PWP1: variants seen among roughly 807,000 people sequenced by gnomAD.
The protein encoded by PWP1 is PWP1 homolog, endonuclein.
Under a neutral mutation model 69.9 loss-of-function variants are expected in PWP1, and 47 were observed. The ratio of observed to expected loss-of-function variants is 0.67; its 90% CI spans 0.53 to 0.86. The LOEUF (loss-of-function observed/expected upper bound fraction) is 0.86, where lower values mean the gene tolerates loss of function less well. Ranked by LOEUF, PWP1 falls within the 40% of genes least tolerant of loss-of-function variation. PWP1 has a pLI of 0.00. For missense variants in PWP1, 551 were observed against 608.8 expected (o/e 0.91, Z 1.00); for synonymous variants, 222 against 208.2 (o/e 1.07, Z -0.57).
chr12:107,687,224 T>G (rs914752528), intron 1 of PWP1, among the ~76,000 whole-genome samples: 15 of 152,242 alleles, frequency 9.9e-5, no homozygotes, highest in Non-Finnish European at 2.1e-4. Context: ...CTGTTTTATT[T>G]ACTGTTTCTC....
chr12:107,694,398 T>C (rs1334519240), intron 5 of PWP1, among the ~76,000 whole-genome samples: 2 of 152,194 alleles, frequency 1.3e-5, no homozygotes, highest in Non-Finnish European at 2.9e-5. Flanking sequence ...CCCTTAGGCT[T>C]AATGTTTATC....
At chr12:107,699,219 A>G (rs114012327) in intron 7 of PWP1, among the ~76,000 whole-genome samples, 154 bp from the exon 8 acceptor site, 3,770 of 152,348 alleles carry the variant, frequency 0.025, 67 homozygotes, top group Non-Finnish European at 0.039. Context: ...AGATCGTGCA[A>G]CTGCACTCTA....
At chr12:107,691,044 A>G (rs1889471023) in intron 3 of PWP1, among the ~76,000 whole-genome samples, 1 of 152,230 alleles carries the variant, frequency 6.6e-6, no homozygotes, top group African/African-American at 2.4e-5. Context: ...GGGATTGACC[A>G]AAGTCAATTA....
chr12:107,686,183 C>T lies in PWP1; in HGVS notation c.72+212C>T, dbSNP rs183123658. ...GAGAGTCAAGGGCCGCGCCTTCTCA[C>T]TGTTCCCACCCTCAAGCCCAACCCC... is the stretch of plus-strand genomic sequence containing the variant. On this transcript the variant is annotated intron_variant, in intron 1 of 14. Transcript: ENST00000412830. 2,626 of 603,342 alleles carry T rather than the reference C, an allele frequency of 4.4e-3. 20 individuals carry two copies. The highest frequency in any genetic ancestry group is 4.7e-3 in the Non-Finnish European group (1,612 of 339,810). 37.4% of individuals were successfully genotyped at this position (603,342 alleles called of 1,614,324 possible).
rs146226600 is a variant in PWP1 at position 107,704,648 on chromosome 12, G to T, written c.978G>T (p.Leu326Phe). The T allele has an allele frequency of 3.0e-5, 48 of 1,613,822 alleles. No homozygotes were observed. Among genetic ancestry groups the T allele is most frequent in the Non-Finnish European group, 3.8e-5 (45 of 1,179,880 alleles). ...ISGSYDKSVA[L>F]YDCRSPDESH... The stretch of plus-strand genomic sequence containing the variant: ...TGAATGTGTCTAGGTCAGTGGCTTT[G>T]TATGACTGCCGAAGTCCAGATGAAA... The change falls in exon 11 of 15, where the codon TTG (leucine) becomes TTT (phenylalanine). Residue 326 changes from leucine (L) to phenylalanine (F), a missense_variant. By Grantham distance (22) the Leu-to-Phe change is conservative. Transcript: ENST00000412830.
At chr12:107,701,969 C>T (rs958701729) in intron 8 of PWP1, among the ~76,000 whole-genome samples, 12 of 152,134 alleles carry the variant, frequency 7.9e-5, no homozygotes, top group South Asian at 2.1e-4. Context: ...TGAGCCACCG[C>T]GCCCAGCCCC....
intron 5 of PWP1, among the ~76,000 whole-genome samples, chr12:107,695,140 C>T (rs1045523412): frequency 1.3e-5 from 2 of 150,248 alleles, no homozygotes; most frequent in African/African-American, 4.9e-5. Context: ...GTGGCGGGCG[C>T]CTGTAGTCCC....
intron 1 of PWP1, among the ~76,000 whole-genome samples, chr12:107,688,098 T>TG (rs1266103035): frequency 1.5e-5 from 2 of 130,740 alleles, no homozygotes; most frequent in African/African-American, 5.9e-5. Flanking sequence ...TGTTAAGGAA[T>TG]GCCCACAGGG....
Position 107,696,601 on chromosome 12 carries a change from A to G in PWP1, c.613+17A>G. 2 of 1,613,188 alleles carry G rather than the reference A, an allele frequency of 1.2e-6. No individual in the cohort carries two copies. Among genetic ancestry groups the G allele is most frequent in the African/African-American group, 2.7e-5 (2 of 75,004 alleles). On this transcript the variant is annotated intron_variant, in intron 6 of 14. Coordinates refer to ENST00000412830, the MANE Select transcript of PWP1 (RefSeq NM_007062.3). ...ATTCTACTGGTAATTAGAAAACTTA[A>G]GGTTGTTCAATGATTTCCAGTCTTA...
At chr12:107,689,129 C>G (rs562841748) in intron 3 of PWP1, among the ~76,000 whole-genome samples, 2 of 152,266 alleles carry the variant, frequency 1.3e-5, no homozygotes, top group Admixed American at 1.3e-4. Context: ...ATACCTTTTC[C>G]TCAACTGCAG....
Position 107,712,396 on chromosome 12 carries a change from T to G in PWP1, c.*176T>G. 1.9e-6 allele frequency: 1 copy of G among 527,366 alleles called. No homozygotes were observed. The highest frequency in any genetic ancestry group is 3.4e-6 in the Non-Finnish European group (1 of 295,876). 32.7% of individuals were successfully genotyped at this position (527,366 alleles called of 1,614,324 possible). A position where few individuals can be genotyped will look rare whatever the true frequency, so the allele number is the denominator to read the frequency against. Reference sequence around the variant, plus strand: ...AATATCCGGTCTTTGTGCTTGCTCTTCAGATGGATGGTTTGTAAGGCTCTT... The same window carrying G: ...AATATCCGGTCTTTGTGCTTGCTCTGCAGATGGATGGTTTGTAAGGCTCTT... On this transcript the variant is annotated 3_prime_UTR_variant, in exon 15 of 15. Transcript: ENST00000412830.
chr12:107,698,112 A>C (rs1278929768), intron 7 of PWP1, among the ~76,000 whole-genome samples: 2 of 152,154 alleles, frequency 1.3e-5, no homozygotes, highest in African/African-American at 4.8e-5. Context: ...CTGTAATCCC[A>C]GCAGTTTAGG....
At position 107,712,243 on chromosome 12, in the gene PWP1, T is replaced by G. The variant is rs868642735; in HGVS notation, c.*23T>G. 6.3e-7 allele frequency: 1 copy of G among 1,576,568 alleles called. No individual in the cohort carries two copies. The highest frequency in any genetic ancestry group is 1.7e-4 in the Middle Eastern group (1 of 5,984). On this transcript the variant is annotated 3_prime_UTR_variant, in exon 15 of 15. Transcript: ENST00000412830. ...TAATGAAGATCATCTAATTTCCTGC[T>G]TACCTTAACTGGGAATTTTAAAAAG...
At chr12:107,693,785 C>A (rs925274358) in intron 5 of PWP1, among the ~76,000 whole-genome samples, 3 of 152,116 alleles carry the variant, frequency 2.0e-5, no homozygotes, top group African/African-American at 4.8e-5. Flanking sequence ...AACTTGCCAC[C>A]TTGGTTTTTT....
At chr12:107,688,921 G>T (rs1182610225) in intron 3 of PWP1, 119 bp downstream of exon 3, 2 of 1,068,944 alleles carry the variant, frequency 1.9e-6, no homozygotes, top group East Asian at 2.6e-5. Context: ...AAGATAATCT[G>T]GTTGAAGACT....
Position 107,712,228 on chromosome 12 carries a change from C to T in PWP1, c.*8C>T. 1 of 1,599,378 alleles carries T rather than the reference C, an allele frequency of 6.3e-7. No individual in the cohort carries two copies. Among genetic ancestry groups the T allele is most frequent in the Non-Finnish European group, 8.6e-7 (1 of 1,167,770 alleles). The stretch of plus-strand genomic sequence containing the variant: ...ACACCCATGGAGTCTTAATGAAGAT[C>T]ATCTAATTTCCTGCTTACCTTAACT... On this transcript the variant is annotated 3_prime_UTR_variant, in exon 15 of 15. Transcript: ENST00000412830.
intron 11 of PWP1, among the ~76,000 whole-genome samples, chr12:107,705,363 T>C (rs1230672005): frequency 6.6e-6 from 1 of 151,704 alleles, no homozygotes; most frequent in African/African-American, 2.4e-5. Context: ...TTTGCAAAGG[T>C]GAGAAAGAGT....
At chr12:107,696,446 T>C (rs754599042) in intron 5 of PWP1, 28 bp from the exon 6 acceptor site, 19 of 1,607,132 alleles carry the variant, frequency 1.2e-5, no homozygotes, top group African/African-American at 8.1e-5. Flanking sequence ...TTCTGATACA[T>C]TAAAGTCTCT....
intron 7 of PWP1, among the ~76,000 whole-genome samples, chr12:107,698,423 G>A (rs974491955): frequency 1.3e-5 from 2 of 152,122 alleles, no homozygotes; most frequent in African/African-American, 4.8e-5. Context: ...CACTTTGGGA[G>A]GCCAAGGTGG....
Sources: gnomAD v4.1 joint callset for allele counts (sites outside exome capture counted in the v4.1 genomes callset) on GRCh38, gnomAD v4.1.1 for gene constraint, MANE v1.5 for transcripts, NCBI Gene and HGNC (gene_info 2026-07-23, HGNC 2026-07-21) for gene names.